SGCZ: variants seen among roughly 807,000 people sequenced by gnomAD.
SGCZ encodes zeta-sarcoglycan.
In SGCZ, 40 loss-of-function variants were observed where a neutral mutation model predicts 41.3. That is an observed-to-expected ratio of 0.97 (90% CI 0.75 to 1.26). The LOEUF is 1.26. SGCZ is among the 50% of genes most tolerant of loss of function. The probability of loss-of-function intolerance (pLI) is 0.00; values close to 1 mark genes in which losing one functional copy is unlikely to be tolerated. For synonymous variants in SGCZ, 206 were observed against 137.5 expected (o/e 1.50, Z -3.49); for missense variants, 552 against 369.8 (o/e 1.49, Z -4.04).
intron 1 of SGCZ, among the ~76,000 whole-genome samples, chr8:15,204,786 A>G (rs1801007692): frequency 6.6e-6 from 1 of 152,144 alleles, no homozygotes; most frequent in Non-Finnish European, 1.5e-5. Flanking sequence ...ATCTACTATA[A>G]TATTTTTAAA....
intron 4 of SGCZ, among the ~76,000 whole-genome samples, chr8:14,231,580 G>C (rs1806573841): frequency 6.6e-6 from 1 of 151,730 alleles, no homozygotes; most frequent in Non-Finnish European, 1.5e-5. Context: ...AATTGAGTTG[G>C]ACCAATAAAC....
intron 4 of SGCZ, among the ~76,000 whole-genome samples, chr8:14,200,735 G>C (rs958484808): frequency 6.6e-6 from 1 of 152,084 alleles, no homozygotes; most frequent in East Asian, 1.9e-4. Flanking sequence ...GTGACCTTGA[G>C]TGAGTCAATG....
At chr8:14,549,703 C>A (rs542391270) in intron 2 of SGCZ, among the ~76,000 whole-genome samples, 27 of 152,048 alleles carry the variant, frequency 1.8e-4, no homozygotes, top group African/African-American at 6.3e-4. Context: ...ATTTCTAATA[C>A]AACATAGTAA....
At chr8:14,282,474 T>C (rs1800479791) in intron 3 of SGCZ, among the ~76,000 whole-genome samples, 2 of 152,150 alleles carry the variant, frequency 1.3e-5, no homozygotes, top group African/African-American at 4.8e-5. Flanking sequence ...CACCTATGAA[T>C]ATTTCATAAA....
intron 6 of SGCZ, among the ~76,000 whole-genome samples, chr8:14,107,778 A>C (rs1802251376): frequency 6.6e-6 from 1 of 152,048 alleles, no homozygotes; most frequent in Admixed American, 6.6e-5. Flanking sequence ...AACTTGGACT[A>C]CACATGTGCA....
intron 1 of SGCZ, among the ~76,000 whole-genome samples, chr8:14,560,653 A>ATGAAATATTCAATT (rs749542435): frequency 1.1e-4 from 17 of 152,132 alleles, no homozygotes; most frequent in African/African-American, 2.4e-4. Context: ...ATATTTCAAT[A>ATGAAATATTCAATT]TGAAGGTGAA....
intron 1 of SGCZ, among the ~76,000 whole-genome samples, chr8:15,097,276 T>C (rs1806384666): frequency 6.6e-6 from 1 of 152,180 alleles, no homozygotes; most frequent in Non-Finnish European, 1.5e-5. Flanking sequence ...TAGAATGCCT[T>C]TATAATCTTA....
intron 2 of SGCZ, among the ~76,000 whole-genome samples, chr8:14,442,124 T>C (rs1800288769): frequency 6.6e-6 from 1 of 152,184 alleles, no homozygotes; most frequent in African/African-American, 2.4e-5. Flanking sequence ...TGAAACTTCA[T>C]AATAAAACTC....
At chr8:14,472,304 T>C (rs965382119) in intron 2 of SGCZ, among the ~76,000 whole-genome samples, 1 of 152,078 alleles carries the variant, frequency 6.6e-6, no homozygotes, top group Non-Finnish European at 1.5e-5. Context: ...TATATTTTAT[T>C]TAAGAAAGCT....
chr8:15,067,532 T>C (rs1163511393), intron 1 of SGCZ, among the ~76,000 whole-genome samples: 1 of 152,194 alleles, frequency 6.6e-6, no homozygotes, highest in Admixed American at 6.5e-5. Flanking sequence ...TCCTATTCCC[T>C]AGCGCCCTTG....
At chr8:14,549,375 C>A (rs1803730840) in intron 2 of SGCZ, among the ~76,000 whole-genome samples, 1 of 151,898 alleles carries the variant, frequency 6.6e-6, no homozygotes, top group Non-Finnish European at 1.5e-5. Context: ...TGAGTAATGC[C>A]ACTTTGTTCA....
At chr8:14,169,723 A>T (rs780451882) in intron 4 of SGCZ, among the ~76,000 whole-genome samples, 1 of 152,230 alleles carries the variant, frequency 6.6e-6, no homozygotes. Context: ...TGATTCAAGC[A>T]TAAGCAGTTG....
At chr8:14,705,364 A>G (rs1412129310) in intron 1 of SGCZ, among the ~76,000 whole-genome samples, 1 of 152,038 alleles carries the variant, frequency 6.6e-6, no homozygotes, top group Non-Finnish European at 1.5e-5. Context: ...TCTGTATGAT[A>G]CATGGACTAT....
intron 1 of SGCZ, among the ~76,000 whole-genome samples, chr8:14,650,255 G>C (rs1029843851): frequency 6.6e-6 from 1 of 152,038 alleles, no homozygotes; most frequent in Non-Finnish European, 1.5e-5. Flanking sequence ...GAAGTGAGAA[G>C]CACCTGACTC....
chr8:14,519,067 T>TAAAAAAAAA (rs58653228), intron 2 of SGCZ, among the ~76,000 whole-genome samples: 1 of 113,592 alleles, frequency 8.8e-6, no homozygotes, highest in Non-Finnish European at 1.9e-5. Flanking sequence ...AGACTCTGTC[T>TAAAAAAAAA]AAAAAAAAAA....
At chr8:14,759,984 A>G (rs952295589) in intron 1 of SGCZ, among the ~76,000 whole-genome samples, 7 of 152,198 alleles carry the variant, frequency 4.6e-5, no homozygotes, top group African/African-American at 7.2e-5. Context: ...TAAGGAAAAC[A>G]TTTAGCTATT....
chr8:14,301,561 A>T (rs1801190766), intron 3 of SGCZ, among the ~76,000 whole-genome samples: 1 of 152,090 alleles, frequency 6.6e-6, no homozygotes, highest in Non-Finnish European at 1.5e-5. Context: ...CTTACATGAA[A>T]TCTGGGGTGA....
chr8:14,879,484 T>C (rs1384870642), intron 1 of SGCZ, among the ~76,000 whole-genome samples: 1 of 152,024 alleles, frequency 6.6e-6, no homozygotes, highest in Non-Finnish European at 1.5e-5. Flanking sequence ...AAATTGACAC[T>C]CTTGGGAAGT....
intron 1 of SGCZ, among the ~76,000 whole-genome samples, chr8:14,824,676 T>G (rs1272619072): frequency 1.3e-5 from 2 of 151,994 alleles, no homozygotes; most frequent in Non-Finnish European, 2.9e-5. Context: ...AATCCTAAAA[T>G]CCTTGTTTGA....
Sources: allele counts gnomAD v4.1 joint callset (sites outside exome capture counted in the v4.1 genomes callset), GRCh38; gene constraint gnomAD v4.1.1; transcripts MANE v1.5; gene names NCBI Gene and HGNC (gene_info 2026-07-23, HGNC 2026-07-21).